The following REST variants were observed in gnomAD, a reference collection of about 807,000 sequenced individuals.
REST encodes RE1 silencing transcription factor.
In REST, 1 loss-of-function variant was observed where a neutral mutation model predicts 30.4. That is an observed-to-expected ratio of 0.03 (90% confidence interval 0.01 to 0.16). The LOEUF (loss-of-function observed/expected upper bound fraction) is 0.16, where lower values mean the gene tolerates loss of function less well. Ranked by LOEUF, REST falls within the 10% of genes least tolerant of loss-of-function variation. The pLI, the probability that REST is intolerant of heterozygous loss-of-function variation, is 1.00. For synonymous variants in REST, 504 were observed against 451.1 expected (o/e 1.12, Z -1.49); for missense variants, 1,259 against 1,329.5 (o/e 0.95, Z 0.82).
At chr4:56,916,507 T>A (rs1450371312) in intron 2 of REST, among the ~76,000 whole-genome samples, 2 of 151,750 alleles carry the variant, frequency 1.3e-5, no homozygotes, top group Non-Finnish European at 2.9e-5. Context: ...AATACAACAC[T>A]TAGCCTGTAG....
At position 56,919,772 on chromosome 4, in the gene REST, A is replaced by G. The variant is rs1171101068; in HGVS notation, c.899-15A>G. 6 of 1,549,606 alleles carry G rather than the reference A, an allele frequency of 3.9e-6. No homozygotes were observed. The highest frequency in any genetic ancestry group is 5.3e-6 in the Non-Finnish European group (6 of 1,125,300). ...CGTGACATTTAAACACTCTTATATT[A>G]TTGAAATTTTGCAGGAGAACGCCCA... On this transcript the variant is annotated splice_polypyrimidine_tract_variant and intron_variant, in intron 2 of 3. Coordinates refer to ENST00000309042, the MANE Select transcript of REST (RefSeq NM_005612.5).
intron 3 of REST, among the ~76,000 whole-genome samples, chr4:56,927,099 G>GA (rs11378040): frequency 0.35 from 51,336 of 145,392 alleles, 9,103 homozygotes; most frequent in Middle Eastern, 0.48. Context: ...TCCATCTCAA[G>GA]AAAAAAAAAA....
chr4:56,932,457 C>T lies in REST; in HGVS notation c.*305C>T, dbSNP rs28613467. The T allele has an allele frequency of 3.8e-3, 823 of 216,774 alleles. 10 individuals are homozygous for T. The highest frequency in any genetic ancestry group is 0.017 in the African/African-American group (759 of 44,028). The allele number at this position is 216,774 out of a possible 1,614,324, so 13.4% of individuals were successfully genotyped here. ...TCCAGCTACAACTTGTCATTTTTTT[C>T]TCCATGTCTTATCTTCCTGTTTCAC... On this transcript the variant is annotated 3_prime_UTR_variant, in exon 4 of 4. Coordinates refer to ENST00000309042, the MANE Select transcript of REST (RefSeq NM_005612.5).
At chr4:56,918,251 G>A (rs1306390763) in intron 2 of REST, among the ~76,000 whole-genome samples, 3 of 152,036 alleles carry the variant, frequency 2.0e-5, no homozygotes, top group Admixed American at 2.0e-4. Context: ...CAGCACTTTG[G>A]GAGGCCAATA....
In REST at chr4:56,907,995, C is replaced by T. The variant is rs1719698104; in HGVS notation, c.-228C>T. The T allele has an allele frequency of 8.1e-6, 3 of 370,660 alleles. No individual in the cohort carries two copies. Among genetic ancestry groups the T allele is most frequent in the Admixed American group, 4.6e-5 (1 of 21,700 alleles). The allele number at this position is 370,660 out of a possible 1,614,324, so 23.0% of individuals were successfully genotyped here. The stretch of plus-strand genomic sequence containing the variant: ...GCCGCCGAGGCCCGGGGCCCCAGAC[C>T]CTGGCGGCGGCTGCCGCAGCCGAGA... On this transcript the variant is annotated 5_prime_UTR_variant, in exon 1 of 4. Coordinates refer to ENST00000309042, the MANE Select transcript of REST (RefSeq NM_005612.5).
Position 56,932,306 on chromosome 4 carries a change from C to A in REST, c.*154C>A. 1.4e-6 allele frequency: 1 copy of A among 739,534 alleles called. No individual in the cohort carries two copies. The highest frequency in any genetic ancestry group is 2.1e-6 in the Non-Finnish European group (1 of 470,038). The allele number at this position is 739,534 out of a possible 1,614,324, so 45.8% of individuals were successfully genotyped here. On this transcript the variant is annotated 3_prime_UTR_variant, in exon 4 of 4. Coordinates refer to ENST00000309042, the MANE Select transcript of REST (RefSeq NM_005612.5). The stretch of plus-strand genomic sequence containing the variant: ...TTTTCCTTAGGACTTTTTATGTATA[C>A]CTGTTGATTGTTGTGTAAATTTTAG...
chr4:56,910,881 T>A lies in REST; in HGVS notation c.243T>A (p.Asp81Glu), dbSNP rs545879908. ...RQMAELMPVG[D>E]NNFSDSEEGE... is the part of the protein sequence containing the mutation. ...TGGCAGAACTGATGCCGGTTGGGGA[T>A]AACAACTTTTCAGATAGTGAAGAAG... Residue 81 changes from aspartate to glutamate, a missense_variant, in exon 2 of 4, where the codon GAT (aspartate) becomes GAA (glutamate). Physicochemically the swap from Asp to Glu is conservative, Grantham distance 45. This residue lies in a region of REST where 249 missense variants were observed against 251.5 expected (regional missense o/e 0.99). Coordinates refer to ENST00000309042, the MANE Select transcript of REST (RefSeq NM_005612.5). 6.2e-7 allele frequency: 1 copy of A among 1,614,154 alleles called. No homozygotes were observed. Among genetic ancestry groups the A allele is most frequent in the African/African-American group, 1.3e-5 (1 of 75,046 alleles).
intron 3 of REST, chr4:56,922,266 T>G (rs923618808): frequency 6.7e-6 from 1 of 148,768 alleles, no homozygotes; most frequent in African/African-American, 2.5e-5. Context: ...GTAAAATATT[T>G]GAGAGCTTTG....
Position 56,930,459 on chromosome 4 carries a change from T to G in REST, c.1601T>G (p.Val534Gly). ...EVDSHSLHGP[V>G]NDEESSTKKK... ...GACAGCCATTCTTTACATGGTCCTGTGAATGATGAGGAATCTTCAACAAAA... is the reference window on the plus strand; with the variant it reads ...GACAGCCATTCTTTACATGGTCCTGGGAATGATGAGGAATCTTCAACAAAA... The change falls in exon 4 of 4, where the codon GTG (valine) becomes GGG (glycine). Residue 534 changes from valine (V) to glycine (G), a missense_variant. Coordinates refer to ENST00000309042, the MANE Select transcript of REST (RefSeq NM_005612.5). 6.2e-7 allele frequency: 1 copy of G among 1,613,262 alleles called. No individual in the cohort carries two copies. Among genetic ancestry groups the G allele is most frequent in the Non-Finnish European group, 8.5e-7 (1 of 1,179,894 alleles).
intron 3 of REST, among the ~76,000 whole-genome samples, chr4:56,920,714 C>T (rs1578499318): frequency 6.6e-6 from 1 of 152,064 alleles, no homozygotes; most frequent in East Asian, 1.9e-4. Context: ...AAGCCGAGAT[C>T]ACGCCATCAA....
intron 2 of REST, among the ~76,000 whole-genome samples, chr4:56,918,672 G>A (rs1617073): frequency 0.067 from 10,182 of 151,830 alleles, 468 homozygotes; most frequent in East Asian, 0.14. Context: ...ATCCTCCCGC[G>A]TCAGCCTCCC....
intron 3 of REST, among the ~76,000 whole-genome samples, chr4:56,926,658 A>T (rs1267026083): frequency 6.6e-6 from 1 of 151,502 alleles, no homozygotes; most frequent in Non-Finnish European, 1.5e-5. Flanking sequence ...CTTCCCTTTT[A>T]TTTATCCATA....
At chr4:56,921,013 G>A (rs1478380929) in intron 3 of REST, among the ~76,000 whole-genome samples, 6 of 151,854 alleles carry the variant, frequency 4.0e-5, no homozygotes, top group Non-Finnish European at 8.8e-5. Context: ...TTACAGGCGC[G>A]CACCACCATG....
chr4:56,908,826 G>T (rs1719751033), intron 1 of REST: 1 of 151,826 alleles, frequency 6.6e-6, no homozygotes, highest in Admixed American at 6.6e-5. Flanking sequence ...GGGCTGGGGC[G>T]CGCGTCCTGC....
chr4:56,922,882 G>A (rs1720518439), intron 3 of REST, among the ~76,000 whole-genome samples: 2 of 152,136 alleles, frequency 1.3e-5, no homozygotes, highest in Non-Finnish European at 2.9e-5. Context: ...TTAAAGTCAC[G>A]TGGTTGACCC....
rs145932542 is a variant in REST at position 56,910,141 on chromosome 4, A to G, written c.-9-489A>G. On this transcript the variant is annotated intron_variant, in intron 1 of 3. Transcript: ENST00000309042. ...AGTTGAACAATTATTACAGGCTTGT[A>G]CTTTCCAGATGTGTTTGTGTACTTA... Among the ~76,000 whole-genome samples, 332 of 152,270 alleles carry G rather than the reference A, an allele frequency of 2.2e-3. 1 individual carries two copies. The highest frequency in any genetic ancestry group is 7.6e-3 in the African/African-American group (315 of 41,564).
chr4:56,926,507 G>T (rs1444786403), intron 3 of REST, among the ~76,000 whole-genome samples: 2 of 151,970 alleles, frequency 1.3e-5, no homozygotes, highest in Non-Finnish European at 2.9e-5. Context: ...CTCCCAAGTA[G>T]CTGGGACTGT....
At chr4:56,919,279 A>G (rs934119414) in intron 2 of REST, among the ~76,000 whole-genome samples, 29 of 152,214 alleles carry the variant, frequency 1.9e-4, no homozygotes, top group Non-Finnish European at 2.1e-4. Context: ...GAACTCTACC[A>G]CTTGAAAATT....
intron 2 of REST, among the ~76,000 whole-genome samples, chr4:56,919,064 C>G (rs764778136): frequency 6.6e-6 from 1 of 151,626 alleles, no homozygotes; most frequent in African/African-American, 2.4e-5. Flanking sequence ...CCACCATGCC[C>G]GGCTAATTTT....
Sources: allele counts gnomAD v4.1 joint callset (sites outside exome capture counted in the v4.1 genomes callset), GRCh38; gene constraint gnomAD v4.1.1; regional missense constraint gnomAD v4.1.1; transcripts MANE v1.5; gene names NCBI Gene and HGNC (gene_info 2026-07-23, HGNC 2026-07-21).